Variants in BTG1 observed in about 807,000 individuals in gnomAD.
The protein encoded by BTG1 is BTG anti-proliferation factor 1, also known as protein BTG1.
A neutral mutation model predicts 15.2 loss-of-function variants in BTG1; 2 were observed. The ratio of observed to expected loss-of-function variants is 0.13; its 90% confidence interval spans 0.05 to 0.41. BTG1 has a LOEUF of 0.41. Ranked by LOEUF, BTG1 falls within the 10% of genes least tolerant of loss-of-function variation. BTG1 has a pLI of 0.99. For missense variants in BTG1, 149 were observed against 215.0 expected, an observed-to-expected ratio of 0.69 and a Z score of 1.92; for synonymous variants, 109 against 82.4, an observed-to-expected ratio of 1.32 and a Z score of -1.75.
In BTG1 at chr12:92,144,458, AAAG is replaced by A. The variant is rs762051822; in HGVS notation, c.149-14_149-12del. 17 of 1,610,974 alleles carry A rather than the reference AAAG, an allele frequency of 1.1e-5. No homozygotes were observed. The highest frequency in any genetic ancestry group is 7.7e-5 in the South Asian group (7 of 90,508). On this transcript the variant is annotated splice_polypyrimidine_tract_variant and intron_variant, in intron 1 of 1. Transcript: ENST00000256015. ...GATGTTTATAATGTTCTATAGAAGAAAAGAAGAACAGAGAAACAACGCTTAGGA... is the reference window on the plus strand; with the variant it reads ...GATGTTTATAATGTTCTATAGAAGAAAAGAACAGAGAAACAACGCTTAGGA...
rs1401788615 is a variant in BTG1, at chr12:92,143,388, T to C, written c.*692A>G. 11 of 233,186 alleles carry C rather than the reference T, an allele frequency of 4.7e-5. No homozygotes were observed. The highest frequency in any genetic ancestry group is 8.5e-5 in the Non-Finnish European group (10 of 117,810). 14.4% of individuals were successfully genotyped at this position (233,186 alleles called of 1,614,324 possible). A position where few individuals can be genotyped will look rare whatever the true frequency, so the allele number is the denominator to read the frequency against. On this transcript the variant is annotated 3_prime_UTR_variant, in exon 2 of 2. Transcript: ENST00000256015. ...TAAAAATAAGAAGTTTACTCAGTCT[T>C]AGAAAACTACAAGCTAGCAAATGTA...
chr12:92,140,734 G>C lies in BTG1; in HGVS notation c.*3346C>G, dbSNP rs1045374686. On this transcript the variant is annotated 3_prime_UTR_variant, in exon 2 of 2. Coordinates refer to ENST00000256015, the MANE Select transcript of BTG1 (RefSeq NM_001731.3). Reference sequence around the variant, plus strand: ...AGCCATATATAAAAGTTCAGTGGCAGAGACTGAGAGATAAGTCTAAAATGT... The same window carrying C: ...AGCCATATATAAAAGTTCAGTGGCACAGACTGAGAGATAAGTCTAAAATGT... The C allele has an allele frequency of 1.7e-5, 4 of 232,380 alleles. No individual in the cohort carries two copies. Among genetic ancestry groups the C allele is most frequent in the African/African-American group, 8.8e-5 (4 of 45,432 alleles). 14.4% of individuals were successfully genotyped at this position (232,380 alleles called of 1,614,324 possible).
chr12:92,143,392 A>ATT lies in BTG1; in HGVS notation c.*687_*688insAA, dbSNP rs1870376601. 2 of 233,262 alleles carry ATT rather than the reference A, an allele frequency of 8.6e-6. No homozygotes were observed. Among genetic ancestry groups the ATT allele is most frequent in the Admixed American group, 1.1e-4 (2 of 17,770 alleles). The allele number at this position is 233,262 out of a possible 1,614,324, so 14.4% of individuals were successfully genotyped here. A position where few individuals can be genotyped will look rare whatever the true frequency, so the allele number is the denominator to read the frequency against. ...AATAAGAAGTTTACTCAGTCTTAGA[A>ATT]AACTACAAGCTAGCAAATGTACAGA... On this transcript the variant is annotated 3_prime_UTR_variant, in exon 2 of 2. Coordinates refer to ENST00000256015, the MANE Select transcript of BTG1 (RefSeq NM_001731.3).
Position 92,145,455 on chromosome 12 carries a change from G to A in BTG1, c.81C>T (p.Arg27=), listed in dbSNP as rs1251747571. The change falls in exon 1 of 2, where the codon CGC becomes CGT. Residue 27 remains arginine (R), a synonymous_variant. Transcript: ENST00000256015. ...AAVSFISKFL[R]TKGLTSERQL... ...GTCGCTCGCTCGTGAGCCCCTTGGT[G>A]CGGAGAAACTTGGAGATGAAGGACA... 6.3e-7 allele frequency: 1 copy of A among 1,592,702 alleles called. No homozygotes were observed. Among genetic ancestry groups the A allele is most frequent in the African/African-American group, 1.4e-5 (1 of 71,902 alleles).
Position 92,145,560 on chromosome 12 carries a change from G to A in BTG1, c.-25C>T, listed in dbSNP as rs1334570205. On this transcript the variant is annotated 5_prime_UTR_variant, in exon 1 of 2. Coordinates refer to ENST00000256015, the MANE Select transcript of BTG1 (RefSeq NM_001731.3). The stretch of plus-strand genomic sequence containing the variant: ...TGGGGGCGGCGTGCGGGGGCGGCCC[G>A]GGGCGGCTGGGGCTCGGCGGCGCGG... 7.3e-7 allele frequency: 1 copy of A among 1,373,660 alleles called. No homozygotes were observed. Among genetic ancestry groups the A allele is most frequent in the Non-Finnish European group, 9.4e-7 (1 of 1,058,520 alleles). The allele number at this position is 1,373,660 out of a possible 1,614,324, so 85.1% of individuals were successfully genotyped here. A position where few individuals can be genotyped will look rare whatever the true frequency, so the allele number is the denominator to read the frequency against.
Position 92,144,389 on chromosome 12 carries a change from A to G in BTG1, c.207T>C (p.Cys69=), listed in dbSNP as rs982914085. 5.0e-6 allele frequency: 8 copies of G among 1,614,148 alleles called. No individual in the cohort carries two copies. The highest frequency in any genetic ancestry group is 6.8e-6 in the Non-Finnish European group (8 of 1,180,046). ...GATCCATTTTATGGTTGATGCGAAT[A>G]CAACGGTAACCCGATCCCTTGCATG... ...EKPCKGSGYR[C]IRINHKMDPL... The change falls in exon 2 of 2, where the codon TGT becomes TGC. Residue 69 remains cysteine, a synonymous_variant. Transcript: ENST00000256015.
In BTG1 at chr12:92,145,654, A is replaced by G; in HGVS notation, c.-119T>C. ...AAGGCTGAGAGGAAGAGAGGGCGTG[A>G]GGGGCGGACGACTACTTTTGTCTTT... On this transcript the variant is annotated 5_prime_UTR_variant, in exon 1 of 2. Coordinates refer to ENST00000256015, the MANE Select transcript of BTG1 (RefSeq NM_001731.3). The G allele has an allele frequency of 1.6e-6, 1 of 626,682 alleles. No individual in the cohort carries two copies. The highest frequency in any genetic ancestry group is 1.9e-5 in the African/African-American group (1 of 51,552). The allele number at this position is 626,682 out of a possible 1,614,324, so 38.8% of individuals were successfully genotyped here. A position where few individuals can be genotyped will look rare whatever the true frequency, so the allele number is the denominator to read the frequency against.
chr12:92,142,139 G>A lies in BTG1; in HGVS notation c.*1941C>T, dbSNP rs541796990. ...TGCGGGTCTACGAATTCTAACTCTCGAGAATGGTGTGCCAATAATATCCAC... is the reference window on the plus strand; with the variant it reads ...TGCGGGTCTACGAATTCTAACTCTCAAGAATGGTGTGCCAATAATATCCAC... On this transcript the variant is annotated 3_prime_UTR_variant, in exon 2 of 2. Transcript: ENST00000256015. The A allele has an allele frequency of 3.4e-5, 8 of 232,056 alleles. No individual in the cohort carries two copies. Among genetic ancestry groups the A allele is most frequent in the Admixed American group, 1.1e-4 (2 of 17,752 alleles). 14.4% of individuals were successfully genotyped at this position (232,056 alleles called of 1,614,324 possible).
At position 92,143,963 on chromosome 12, in the gene BTG1, A is replaced by G; in HGVS notation, c.*117T>C. 1 of 1,295,874 alleles carries G rather than the reference A, an allele frequency of 7.7e-7. No homozygotes were observed. Among genetic ancestry groups the G allele is most frequent in the Non-Finnish European group, 1.1e-6 (1 of 937,084 alleles). 80.3% of individuals were successfully genotyped at this position (1,295,874 alleles called of 1,614,324 possible). On this transcript the variant is annotated 3_prime_UTR_variant, in exon 2 of 2. Coordinates refer to ENST00000256015, the MANE Select transcript of BTG1 (RefSeq NM_001731.3). ...TTTTTTTACCATTCTATCTTGTGCC[A>G]GATCTTCACAGCTGTGACATGGTTT...
chr12:92,142,707 A>G lies in BTG1; in HGVS notation c.*1373T>C, dbSNP rs1870329025. 1 of 233,052 alleles carries G rather than the reference A, an allele frequency of 4.3e-6. No homozygotes were observed. Among genetic ancestry groups the G allele is most frequent in the African/African-American group, 2.2e-5 (1 of 45,360 alleles). The allele number at this position is 233,052 out of a possible 1,614,324, so 14.4% of individuals were successfully genotyped here. On this transcript the variant is annotated 3_prime_UTR_variant, in exon 2 of 2. Transcript: ENST00000256015. ...TCTGTGGTGTTTAGCCTGTTCTTTA[A>G]GACTATGGGTCACCTGCCCCGGGGA...
At position 92,145,464 on chromosome 12, in the gene BTG1, C is replaced by T; in HGVS notation, c.72G>A (p.Lys24=). Residue 24 remains lysine, a synonymous_variant, in exon 1 of 2, where the codon AAG becomes AAA. Coordinates refer to ENST00000256015, the MANE Select transcript of BTG1 (RefSeq NM_001731.3). ...EIAAAVSFIS[K]FLRTKGLTSE... ...TCGTGAGCCCCTTGGTGCGGAGAAA[C>T]TTGGAGATGAAGGACACGGCGGCGG... 1 of 1,592,228 alleles carries T rather than the reference C, an allele frequency of 6.3e-7. No homozygotes were observed. The highest frequency in any genetic ancestry group is 1.1e-5 in the South Asian group (1 of 88,928).
At chr12:92,145,119 G>A (rs1289012670) in intron 1 of BTG1, 5 of 321,180 alleles carry the variant, frequency 1.6e-5, no homozygotes, top group Non-Finnish European at 1.6e-5. Flanking sequence ...CGCAGCTCCC[G>A]CCTCGGTGGG....
chr12:92,140,386 A>G lies in BTG1; in HGVS notation c.*3694T>C, dbSNP rs1226351072. 4.5e-6 allele frequency: 1 copy of G among 221,008 alleles called. No homozygotes were observed. The highest frequency in any genetic ancestry group is 9.0e-6 in the Non-Finnish European group (1 of 110,528). 13.7% of individuals were successfully genotyped at this position (221,008 alleles called of 1,614,324 possible). A position where few individuals can be genotyped will look rare whatever the true frequency, so the allele number is the denominator to read the frequency against. On this transcript the variant is annotated 3_prime_UTR_variant, in exon 2 of 2. Coordinates refer to ENST00000256015, the MANE Select transcript of BTG1 (RefSeq NM_001731.3). ...AAAACTGGTGTCAATCATACTCCAC[A>G]AAGTGTTGAGGAAATGGTATCAATC...
In BTG1 at chr12:92,141,117, G is replaced by GGGT. The variant is rs1205189486; in HGVS notation, c.*2962_*2963insACC. The GGGT allele has an allele frequency of 2.6e-5, 6 of 232,646 alleles. No individual in the cohort carries two copies. In the South Asian group the frequency reaches 7.2e-4, roughly 28 times the overall value. The allele number at this position is 232,646 out of a possible 1,614,324, so 14.4% of individuals were successfully genotyped here. On this transcript the variant is annotated 3_prime_UTR_variant, in exon 2 of 2. Transcript: ENST00000256015. ...TGTAGTCATTAAACACTAGCCATCG[G>GGGT]GAATACGGCTTCCTTCCTTTTAACT...
At position 92,145,528 on chromosome 12, in the gene BTG1, G is replaced by C. The variant is rs1023262121; in HGVS notation, c.8C>G (p.Pro3Arg). Residue 3 changes from proline to arginine, a missense_variant, in exon 1 of 2, where the codon CCC becomes CGC. This residue lies in a region of BTG1 where 63 missense variants were observed against 60.8 expected (regional missense o/e 1.04). Coordinates refer to ENST00000256015, the MANE Select transcript of BTG1 (RefSeq NM_001731.3). ...CATGGTGGCGGCCCGGGTGTAGAAG[G>C]GATGCATGGGGGCGGCGTGCGGGGG... The part of the protein sequence containing the change: MH[P>R]FYTRAATMIG... The C allele has an allele frequency of 6.6e-7, 1 of 1,513,510 alleles. No individual in the cohort carries two copies. The highest frequency in any genetic ancestry group is 1.4e-5 in the African/African-American group (1 of 69,796). The allele number at this position is 1,513,510 out of a possible 1,614,324, so 93.8% of individuals were successfully genotyped here.
At position 92,143,554 on chromosome 12, in the gene BTG1, A is replaced by C; in HGVS notation, c.*526T>G. The C allele has an allele frequency of 4.2e-6, 1 of 235,302 alleles. No homozygotes were observed. Among genetic ancestry groups the C allele is most frequent in the East Asian group, 6.0e-5 (1 of 16,556 alleles). The allele number at this position is 235,302 out of a possible 1,614,324, so 14.6% of individuals were successfully genotyped here. A position where few individuals can be genotyped will look rare whatever the true frequency, so the allele number is the denominator to read the frequency against. On this transcript the variant is annotated 3_prime_UTR_variant, in exon 2 of 2. Coordinates refer to ENST00000256015, the MANE Select transcript of BTG1 (RefSeq NM_001731.3). Reference sequence around the variant, plus strand: ...CAATACAAGGTCTGACCATTTCCCCAGGTCATGCTTACTAGTTTGTCTTTA... The same window carrying C: ...CAATACAAGGTCTGACCATTTCCCCCGGTCATGCTTACTAGTTTGTCTTTA...
rs1870488961 is a variant in BTG1 at position 92,144,970 on chromosome 12, C to G, written c.148+418G>C. ...CGGCACGTCCGTTCTGAGCTGGCTC[C>G]GGGGCAGCGGCGCAGCTTCCCACCC... On this transcript the variant is annotated intron_variant, in intron 1 of 1. Coordinates refer to ENST00000256015, the MANE Select transcript of BTG1 (RefSeq NM_001731.3). 6 of 186,280 alleles carry G rather than the reference C, an allele frequency of 3.2e-5. No homozygotes were observed. The South Asian group carries it at 5.9e-4, about 18-fold the overall frequency. The allele number at this position is 186,280 out of a possible 1,614,324, so 11.5% of individuals were successfully genotyped here. A position where few individuals can be genotyped will look rare whatever the true frequency, so the allele number is the denominator to read the frequency against.
In BTG1 at chr12:92,142,813, A is replaced by G; in HGVS notation, c.*1267T>C. ...GTCAGAATGGAACATTTATATCTTC[A>G]CTTCAACAGGGAAGCAATGAAATGT... On this transcript the variant is annotated 3_prime_UTR_variant, in exon 2 of 2. Transcript: ENST00000256015. 4.3e-6 allele frequency: 1 copy of G among 233,064 alleles called. No individual in the cohort carries two copies. Among genetic ancestry groups the G allele is most frequent in the Non-Finnish European group, 8.5e-6 (1 of 117,958 alleles). 14.4% of individuals were successfully genotyped at this position (233,064 alleles called of 1,614,324 possible).
chr12:92,145,729 G>A lies in BTG1; in HGVS notation c.-194C>T. The A allele has an allele frequency of 3.0e-6, 1 of 337,500 alleles. No homozygotes were observed. The highest frequency in any genetic ancestry group is 5.2e-6 in the Non-Finnish European group (1 of 192,850). The allele number at this position is 337,500 out of a possible 1,614,324, so 20.9% of individuals were successfully genotyped here. On this transcript the variant is annotated 5_prime_UTR_variant, in exon 1 of 2. Transcript: ENST00000256015. ...TTTCGAGACAGGAGGCGGCAGGAGA[G>A]AGGAAGAGACGAGCGATGGCGGCCT...
Sources: allele counts gnomAD v4.1 joint callset, GRCh38; gene constraint gnomAD v4.1.1; regional missense constraint gnomAD v4.1.1; transcripts MANE v1.5; gene names NCBI Gene and HGNC (gene_info 2026-07-23, HGNC 2026-07-21).